The following RABGGTA variants were observed in gnomAD, a reference collection of about 807,000 sequenced individuals.
The protein encoded by RABGGTA is Rab geranylgeranyltransferase subunit alpha, also known as geranylgeranyl transferase type-2 subunit alpha.
RABGGTA carries 69 observed loss-of-function variants against 83.3 expected under a neutral mutation model. The observed-to-expected ratio is 0.83, with a 90% CI of 0.68 to 1.01. The LOEUF (loss-of-function observed/expected upper bound fraction) is 1.01, where lower values mean the gene tolerates loss of function less well. Among genes scored for constraint, RABGGTA ranks in the 50% least tolerant of loss-of-function variants. The pLI, the probability that RABGGTA is intolerant of heterozygous loss-of-function variation, is 0.00. For missense variants in RABGGTA, 681 were observed against 712.7 expected, an observed-to-expected ratio of 0.96 and a Z score of 0.51; for synonymous variants, 310 against 299.8, an observed-to-expected ratio of 1.03 and a Z score of -0.35.
At chr14:24,268,681 C>G (rs762289778) in intron 9 of RABGGTA, 44 bp downstream of exon 9, 4 of 1,609,208 alleles carry the variant, frequency 2.5e-6, no homozygotes, top group Admixed American at 3.3e-5. Flanking sequence ...TCCCACCCAG[C>G]CCTGCCCCAG....
chr14:24,271,495 G>A lies in RABGGTA; in HGVS notation c.-63C>T. 1 of 188,972 alleles carries A rather than the reference G, an allele frequency of 5.3e-6. No homozygotes were observed. The highest frequency in any genetic ancestry group is 1.1e-5 in the Non-Finnish European group (1 of 92,456). The allele number at this position is 188,972 out of a possible 1,614,324, so 11.7% of individuals were successfully genotyped here. On this transcript the variant is annotated 5_prime_UTR_variant, in exon 1 of 17. Transcript: ENST00000216840. ...CCCGCGGGCGGACCCACCTGCGCTG[G>A]GAGGAGGCGCGGGGGACGCGGAGCT...
At position 24,269,574 on chromosome 14, in the gene RABGGTA, T is replaced by C; in HGVS notation, c.548A>G (p.Tyr183Cys). 3.1e-6 allele frequency: 5 copies of C among 1,611,652 alleles called. No individual in the cohort carries two copies. The highest frequency in any genetic ancestry group is 4.2e-6 in the Non-Finnish European group (5 of 1,177,806). The change falls in exon 6 of 17, where the codon TAC becomes TGC. Residue 183 changes from tyrosine to cysteine, a missense_variant. Physicochemically the swap from Tyr to Cys is radical, Grantham distance 194 (BLOSUM62 -2). This residue lies in a region of RABGGTA where 122 missense variants were observed against 118.9 expected (regional missense o/e 1.03). Coordinates refer to ENST00000216840, the MANE Select transcript of RABGGTA (RefSeq NM_182836.3). ...CAGCTGGGGCAAGAGACAGGAGCGG[T>C]AATGCCAGGAAGAGTAGTTGGAGAA... ...RNFSNYSSWHYRSCLLPQLHP... is the reference protein window; with the variant it reads ...RNFSNYSSWHCRSCLLPQLHP...
In RABGGTA at chr14:24,266,827, G is replaced by C; in HGVS notation, c.1416C>G (p.His472Gln). 1 of 1,613,980 alleles carries C rather than the reference G, an allele frequency of 6.2e-7. No individual in the cohort carries two copies. ...CAGGTGGCAGGGTTCGGAGGCGATTGTGTGACAAGTCAAGATGGGTGACCA... is the reference window on the plus strand; with the variant it reads ...CAGGTGGCAGGGTTCGGAGGCGATTCTGTGACAAGTCAAGATGGGTGACCA... The part of the protein sequence containing the change: ...LLLVTHLDLS[H>Q]NRLRTLPPAL... Residue 472 changes from histidine (H) to glutamine (Q), a missense_variant, in exon 15 of 17, where the codon CAC becomes CAG. Physicochemically the swap from His to Gln is conservative, Grantham distance 24 (BLOSUM62 0). This residue lies in a region of RABGGTA where 421 missense variants were observed against 418.5 expected (regional missense o/e 1.01). Coordinates refer to ENST00000216840, the MANE Select transcript of RABGGTA (RefSeq NM_182836.3).
In RABGGTA at chr14:24,271,146, G is replaced by T; in HGVS notation, c.-31C>A. On this transcript the variant is annotated 5_prime_UTR_variant, in exon 2 of 17. Coordinates refer to ENST00000216840, the MANE Select transcript of RABGGTA (RefSeq NM_182836.3). ...CGGCTCAGGGTTCAAGACAGGGGAA[G>T]GGTCCAGTGGTAGCCCTTGAAGTCT... 6.6e-7 allele frequency: 1 copy of T among 1,523,838 alleles called. No individual in the cohort carries two copies. Among genetic ancestry groups the T allele is most frequent in the Non-Finnish European group, 8.8e-7 (1 of 1,136,884 alleles). 94.4% of individuals were successfully genotyped at this position (1,523,838 alleles called of 1,614,324 possible). A position where few individuals can be genotyped will look rare whatever the true frequency, so the allele number is the denominator to read the frequency against.
intron 15 of RABGGTA, 126 bp from the exon 16 acceptor site, chr14:24,266,643 G>A: frequency 8.3e-7 from 1 of 1,201,852 alleles, no homozygotes; most frequent in Non-Finnish European, 1.2e-6. Flanking sequence ...CTGCGTGATG[G>A]AGGTGGAAGG....
In RABGGTA at chr14:24,267,872, T is replaced by G; in HGVS notation, c.1234A>C (p.Lys412Gln). The G allele has an allele frequency of 1.2e-6, 2 of 1,613,580 alleles. No homozygotes were observed. Among genetic ancestry groups the G allele is most frequent in the South Asian group, 1.1e-5 (1 of 91,050 alleles). ...TCTGTTCTGCAGACAGAACTTGCCT[T>G]GAGGGTCTGGAAGTACTGCAGGGTC... The part of the protein sequence containing the change: ...KETLQYFQTL[K>Q]AVDPMRATYL... The change falls in exon 13 of 17, where the codon AAG becomes CAG. Residue 412 changes from lysine to glutamine, a missense_variant and splice_region_variant. Physicochemically the swap from Lys to Gln is moderately conservative, Grantham distance 53. Transcript: ENST00000216840.
Position 24,266,838 on chromosome 14 carries a change from C to G in RABGGTA, c.1405G>C (p.Asp469His). 2 of 1,613,920 alleles carry G rather than the reference C, an allele frequency of 1.2e-6. No homozygotes were observed. Among genetic ancestry groups the G allele is most frequent in the Non-Finnish European group, 1.7e-6 (2 of 1,179,872 alleles). The change falls in exon 15 of 17, where the codon GAC becomes CAC. Residue 469 changes from aspartate to histidine, a missense_variant. This residue lies in a region of RABGGTA where 421 missense variants were observed against 418.5 expected (regional missense o/e 1.01). Coordinates refer to ENST00000216840, the MANE Select transcript of RABGGTA (RefSeq NM_182836.3). ...GTTCGGAGGCGATTGTGTGACAAGT[C>G]AAGATGGGTGACCAAGAGCAGCTGT... ...LEQLLLVTHLDLSHNRLRTLP... is the reference protein window; with the variant it reads ...LEQLLLVTHLHLSHNRLRTLP...
chr14:24,267,553 A>G (rs958902867), intron 14 of RABGGTA, 107 bp downstream of exon 14: 9 of 817,670 alleles, frequency 1.1e-5, no homozygotes, highest in Middle Eastern at 3.7e-4. Flanking sequence ...GATGAACTCT[A>G]TCTTGATTGG....
At chr14:24,271,438 G>T (rs889166007) in intron 1 of RABGGTA, 49 bp downstream of exon 1, 3 of 260,596 alleles carry the variant, frequency 1.2e-5, no homozygotes, top group Non-Finnish European at 2.2e-5. Flanking sequence ...GCCGCTACCC[G>T]CCCGTCCCAC....
intron 4 of RABGGTA, 27 bp downstream of exon 4, chr14:24,270,307 C>T (rs1481583826): frequency 6.2e-7 from 1 of 1,611,760 alleles, no homozygotes; most frequent in Non-Finnish European, 8.5e-7. Context: ...CCAGGGCAGT[C>T]TTCTGAGATC....
chr14:24,267,112 A>C (rs2040883973), intron 14 of RABGGTA, among the ~76,000 whole-genome samples: 1 of 152,092 alleles, frequency 6.6e-6, no homozygotes, highest in Non-Finnish European at 1.5e-5. Context: ...GGGGTGGGTG[A>C]GGAGGAGGAG....
rs1470596130 is a variant in RABGGTA at position 24,268,545 on chromosome 14, G to A, written c.975C>T (p.Gly325=). 1.9e-6 allele frequency: 3 copies of A among 1,613,842 alleles called. No homozygotes were observed. The highest frequency in any genetic ancestry group is 1.3e-5 in the African/African-American group (1 of 74,900). Residue 325 remains glycine (G), a synonymous_variant, in exon 10 of 17, where the codon GGC becomes GGT. Transcript: ENST00000216840. ...AAAGCACGCATTCTTTCTGGACATC[G>A]CCTGCTGTCCAAATGACGCGAAATG... The part of the protein sequence containing the change: ...QHTFRVIWTA[G]DVQKECVLLK...
At position 24,268,572 on chromosome 14, in the gene RABGGTA, A is replaced by G. The variant is rs533618121; in HGVS notation, c.948T>C (p.His316=). The G allele has an allele frequency of 6.2e-7, 1 of 1,614,046 alleles. No individual in the cohort carries two copies. Among genetic ancestry groups the G allele is most frequent in the East Asian group, 2.2e-5 (1 of 44,890 alleles). ...AASLNDQLPQ[H]TFRVIWTAGD... ...CTGCTGTCCAAATGACGCGAAATGT[A>G]TGTTGGGGCAACTGGTCGTTGAGGG... is the stretch of plus-strand genomic sequence containing the variant. Residue 316 remains histidine (H), a synonymous_variant, in exon 10 of 17, where the codon CAT becomes CAC. Coordinates refer to ENST00000216840, the MANE Select transcript of RABGGTA (RefSeq NM_182836.3).
rs776949619 is a variant in RABGGTA at position 24,267,946 on chromosome 14, G to C, written c.1160C>G (p.Thr387Ser). The C allele has an allele frequency of 1.2e-6, 2 of 1,613,706 alleles. No homozygotes were observed. The highest frequency in any genetic ancestry group is 1.7e-5 in the Admixed American group (1 of 59,988). Residue 387 changes from threonine to serine, a missense_variant, in exon 13 of 17, where the codon ACC becomes AGC. This residue lies in a region of RABGGTA where 421 missense variants were observed against 418.5 expected (regional missense o/e 1.01). Transcript: ENST00000216840. ...CAGTGCCCGCATCAGCAGGATGATG[G>C]TAAGCAGGCACCCTGAGGAGAGGGC... ...LEPENKWCLL[T>S]IILLMRALDP...
chr14:24,270,707 A>C (rs2040936781), intron 3 of RABGGTA, 130 bp downstream of exon 3: 3 of 1,363,018 alleles, frequency 2.2e-6, no homozygotes. Context: ...CAACTTGCCC[A>C]AAGTCATACA....
At chr14:24,266,592 G>A in intron 15 of RABGGTA, 75 bp from the exon 16 acceptor site, 1 of 1,430,640 alleles carries the variant, frequency 7.0e-7, no homozygotes, top group Non-Finnish European at 9.8e-7. Context: ...GGAGCTCAGG[G>A]TGACGGGTCC....
rs368422809 is a variant in RABGGTA, at chr14:24,266,478, C to T, written c.1507G>A (p.Gly503Ser). 71 of 1,613,838 alleles carry T rather than the reference C, an allele frequency of 4.4e-5. No homozygotes were observed. The highest frequency in any genetic ancestry group is 2.7e-4 in the Admixed American group (16 of 60,002). The change falls in exon 16 of 17, where the codon GGC (glycine) becomes AGC (serine). Residue 503 changes from glycine (G) to serine (S), a missense_variant. Physicochemically the swap from Gly to Ser is moderately conservative, Grantham distance 56 (BLOSUM62 0). Transcript: ENST00000216840. ...ASDNAIESLD[G>S]VTNLPRLQEL... Reference sequence around the variant, plus strand: ...TGCAGCCGGGGTAGGTTGGTGACGCCGTCCAGGGACTCTATGGCATTATCA... The same window carrying T: ...TGCAGCCGGGGTAGGTTGGTGACGCTGTCCAGGGACTCTATGGCATTATCA...
rs1426413558 is a variant in RABGGTA at position 24,269,151 on chromosome 14, A to G, written c.644T>C (p.Val215Ala). 6.2e-7 allele frequency: 1 copy of G among 1,611,294 alleles called. No homozygotes were observed. The highest frequency in any genetic ancestry group is 2.2e-5 in the East Asian group (1 of 44,840). The change falls in exon 7 of 17, where the codon GTG (valine) becomes GCG (alanine). Residue 215 changes from valine to alanine, a missense_variant. By Grantham distance (64) the Val-to-Ala change is moderately conservative (BLOSUM62 0). This residue lies in a region of RABGGTA where 11 missense variants were observed against 31.8 expected (regional missense o/e 0.35). Transcript: ENST00000216840. ...EDVLLKELELVQNAFFTDPND... is the reference protein window; with the variant it reads ...EDVLLKELELAQNAFFTDPND... ...GGGGTCAGTGAAGAAGGCATTCTGC[A>G]CCAGCTCCAGCTCTGTGGGGTTCCA...
chr14:24,269,917 G>A lies in RABGGTA; in HGVS notation c.427+36C>T, dbSNP rs368582965. 6 of 1,604,996 alleles carry A rather than the reference G, an allele frequency of 3.7e-6. No homozygotes were observed. The African/African-American group carries it at 4.0e-5, about 11-fold the overall frequency. ...GGCCCCAGTACCAGAATGTGGGCAG[G>A]TGAGGGCTGTGGGGACAGAATCTGC... is the stretch of plus-strand genomic sequence containing the variant. On this transcript the variant is annotated intron_variant, in intron 5 of 16. Coordinates refer to ENST00000216840, the MANE Select transcript of RABGGTA (RefSeq NM_182836.3).
Sources: allele counts gnomAD v4.1 joint callset (sites outside exome capture counted in the v4.1 genomes callset), GRCh38; gene constraint gnomAD v4.1.1; regional missense constraint gnomAD v4.1.1; transcripts MANE v1.5; gene names NCBI Gene and HGNC (gene_info 2026-07-23, HGNC 2026-07-21).